The following PPFIA2 variants were observed in gnomAD, a reference collection of about 807,000 sequenced individuals.
PPFIA2 encodes liprin-alpha-2.
A neutral mutation model predicts 175.5 loss-of-function variants in PPFIA2; 46 were observed. That is an observed-to-expected ratio of 0.26 (90% CI 0.21 to 0.34). The LOEUF (loss-of-function observed/expected upper bound fraction) is 0.34. Ranked by LOEUF, PPFIA2 falls within the 10% of genes least tolerant of loss-of-function variation. The pLI, the probability that PPFIA2 is intolerant of heterozygous loss-of-function variation, is 1.00. For synonymous variants in PPFIA2, 568 were observed against 511.4 expected (o/e 1.11, Z -1.49); for missense variants, 1,179 against 1,506.1 (o/e 0.78, Z 3.60).
intron 3 of PPFIA2, among the ~76,000 whole-genome samples, chr12:81,719,081 G>C (rs1415604781): frequency 6.6e-6 from 1 of 151,584 alleles, no homozygotes; most frequent in East Asian, 1.9e-4. Context: ...TCATTAAGTA[G>C]TTATAAAGCA....
chr12:81,753,825 G>C, intron 3 of PPFIA2, 148 bp downstream of exon 3: 1 of 1,014,418 alleles, frequency 9.9e-7, no homozygotes, highest in Non-Finnish European at 1.4e-6. Context: ...GGTTTCAAGT[G>C]AACTAATCAT....
intron 14 of PPFIA2, among the ~76,000 whole-genome samples, chr12:81,363,973 T>C (rs945709039): frequency 5.3e-5 from 8 of 151,834 alleles, no homozygotes; most frequent in African/African-American, 1.7e-4. Context: ...CCTCATGCAA[T>C]TTAGAATTTA....
intron 4 of PPFIA2, among the ~76,000 whole-genome samples, chr12:81,631,942 C>G (rs1036089800): frequency 6.6e-6 from 1 of 152,094 alleles, no homozygotes; most frequent in Non-Finnish European, 1.5e-5. Flanking sequence ...CTATTAATAT[C>G]AATAATAAGG....
chr12:81,478,550 A>G (rs1466365963), intron 4 of PPFIA2, among the ~76,000 whole-genome samples: 1 of 152,154 alleles, frequency 6.6e-6, no homozygotes, highest in Non-Finnish European at 1.5e-5. Flanking sequence ...TCCTGTGGAC[A>G]TTTAATGCTA....
intron 19 of PPFIA2, among the ~76,000 whole-genome samples, chr12:81,341,928 G>C (rs1445780805): frequency 6.6e-6 from 1 of 152,070 alleles, no homozygotes; most frequent in Admixed American, 6.6e-5. Flanking sequence ...TTTTAAATCA[G>C]TCAGCCTAAT....
At chr12:81,566,090 C>G (rs2071222499) in intron 4 of PPFIA2, among the ~76,000 whole-genome samples, 1 of 152,070 alleles carries the variant, frequency 6.6e-6, no homozygotes, top group African/African-American at 2.4e-5. Flanking sequence ...AGGGAAGCAC[C>G]AGTCTGAAGA....
chr12:81,592,748 T>G (rs879552341), intron 4 of PPFIA2, among the ~76,000 whole-genome samples: 2 of 152,126 alleles, frequency 1.3e-5, no homozygotes, highest in Non-Finnish European at 2.9e-5. Context: ...GGGTATATCT[T>G]TATCAGCAGC....
chr12:81,432,397 C>A (rs1214936384), intron 7 of PPFIA2, among the ~76,000 whole-genome samples: 1 of 151,954 alleles, frequency 6.6e-6, no homozygotes, highest in Non-Finnish European at 1.5e-5. Context: ...CCACCACACC[C>A]AGCTTACAAT....
At chr12:81,406,729 A>G (rs1201705182) in intron 7 of PPFIA2, among the ~76,000 whole-genome samples, 1 of 152,116 alleles carries the variant, frequency 6.6e-6, no homozygotes, top group East Asian at 1.9e-4. Flanking sequence ...TAACTTATTT[A>G]TTCCATGGCA....
At chr12:81,594,746 A>G (rs1442827727) in intron 4 of PPFIA2, among the ~76,000 whole-genome samples, 1 of 151,898 alleles carries the variant, frequency 6.6e-6, no homozygotes, top group East Asian at 2.0e-4. Flanking sequence ...ACTTCCATCT[A>G]TACAGAACAT....
intron 8 of PPFIA2, among the ~76,000 whole-genome samples, chr12:81,388,332 C>T (rs781021820): frequency 3.0e-4 from 45 of 152,092 alleles, no homozygotes; most frequent in African/African-American, 1.7e-4. Flanking sequence ...TATTACTGAT[C>T]TCTCCAATAC....
At chr12:81,321,429 C>A (rs59816291) in intron 22 of PPFIA2, among the ~76,000 whole-genome samples, 24,584 of 152,046 alleles carry the variant, frequency 0.16, 2,778 homozygotes, top group East Asian at 0.42. Context: ...ATGTTGATGA[C>A]ATTAAATTTT....
chr12:81,549,058 C>G (rs558468834), intron 4 of PPFIA2, among the ~76,000 whole-genome samples: 4 of 152,190 alleles, frequency 2.6e-5, no homozygotes, highest in African/African-American at 9.6e-5. Flanking sequence ...ATTAATGTCT[C>G]TGAGCCATAG....
chr12:81,263,451 G>T, intron 30 of PPFIA2, 61 bp from the exon 31 acceptor site: 3 of 1,443,992 alleles, frequency 2.1e-6, no homozygotes, highest in Non-Finnish European at 2.9e-6. Context: ...TGTGCTTAAA[G>T]CTCTGTGCTT....
At chr12:81,327,742 T>C (rs542904320) in intron 21 of PPFIA2, among the ~76,000 whole-genome samples, 1 of 151,990 alleles carries the variant, frequency 6.6e-6, no homozygotes, top group South Asian at 2.1e-4. Flanking sequence ...AAAATTTTAA[T>C]AGAAAAAAAT....
intron 4 of PPFIA2, among the ~76,000 whole-genome samples, chr12:81,609,160 AT>A (rs970052281): frequency 6.6e-6 from 1 of 151,892 alleles, no homozygotes; most frequent in Non-Finnish European, 1.5e-5. Context: ...TATGATTTTA[AT>A]TTTTTTAATT....
chr12:81,679,252 G>A (rs1467227676), intron 3 of PPFIA2, among the ~76,000 whole-genome samples: 1 of 151,722 alleles, frequency 6.6e-6, no homozygotes. Context: ...CATGTAAAAT[G>A]TTATTTCCAA....
rs918125004 is a variant in PPFIA2 at position 81,368,305 on chromosome 12, C to T, written c.1482+420G>A. ...ACTAGTTCTTTTGATGATATAAACT[C>T]ACTTACATTTTGACTTTTAGACTGG... On this transcript the variant is annotated intron_variant, in intron 13 of 32. Transcript: ENST00000549396. 28 of 485,946 alleles carry T rather than the reference C, an allele frequency of 5.8e-5. No homozygotes were observed. In the Admixed American group the frequency reaches 8.8e-4, roughly 15 times the overall value. 30.1% of individuals were successfully genotyped at this position (485,946 alleles called of 1,614,324 possible).
At chr12:81,364,442 T>C (rs1387076971) in intron 14 of PPFIA2, among the ~76,000 whole-genome samples, 1 of 151,840 alleles carries the variant, frequency 6.6e-6, no homozygotes, top group African/African-American at 2.4e-5. Flanking sequence ...GGAGTGCAGT[T>C]CTGTGATCAC....
Sources: allele counts gnomAD v4.1 joint callset (sites outside exome capture counted in the v4.1 genomes callset), GRCh38; gene constraint gnomAD v4.1.1; transcripts MANE v1.5; gene names NCBI Gene and HGNC (gene_info 2026-07-23, HGNC 2026-07-21).